DLG1: variants seen among roughly 807,000 people sequenced by gnomAD.
The protein encoded by DLG1 is discs large MAGUK scaffold protein 1.
DLG1 carries 42 observed loss-of-function variants against 123.4 expected under a neutral mutation model. The ratio of observed to expected loss-of-function variants is 0.34; its 90% CI spans 0.27 to 0.44. The LOEUF (loss-of-function observed/expected upper bound fraction) is 0.44. Among genes scored for constraint, DLG1 ranks in the 20% least tolerant of loss-of-function variants. The pLI is 1.00. For missense variants in DLG1, 942 were observed against 1,082.6 expected (o/e 0.87, Z 1.82); for synonymous variants, 317 against 356.2 (o/e 0.89, Z 1.24).
At chr3:197,244,982 T>C (rs569477615) in intron 4 of DLG1, among the ~76,000 whole-genome samples, 53 of 152,316 alleles carry the variant, frequency 3.5e-4, no homozygotes, top group African/African-American at 1.3e-3. Context: ...AGGCAGCCTA[T>C]ACAGCATTTC....
In DLG1 at chr3:197,248,331, C is replaced by T. The variant is rs563205513; in HGVS notation, c.318+34348G>A. 1.5e-4 allele frequency among the ~76,000 whole-genome samples: 23 copies of T among 152,198 alleles called. No individual in the cohort carries two copies. The East Asian group carries it at 1.7e-3, about 11-fold the overall frequency. Reference sequence around the variant, plus strand: ...TATCTACTTGTAGGACTTTTCTTCCCGGGTTTATTCGTCATGCCAGGTGGG... The same window carrying T: ...TATCTACTTGTAGGACTTTTCTTCCTGGGTTTATTCGTCATGCCAGGTGGG... On this transcript the variant is annotated intron_variant, in intron 4 of 24. Coordinates refer to ENST00000667157, the MANE Select transcript of DLG1 (RefSeq NM_001366207.1).
chr3:197,289,289 T>C (rs1009450275), intron 3 of DLG1, among the ~76,000 whole-genome samples: 3 of 152,134 alleles, frequency 2.0e-5, no homozygotes, highest in African/African-American at 4.8e-5. Context: ...CTGTTTTACT[T>C]AGAAGTTTGT....
intron 13 of DLG1, among the ~76,000 whole-genome samples, chr3:197,108,022 A>G (rs1767587484): frequency 6.6e-6 from 1 of 152,128 alleles, no homozygotes; most frequent in African/African-American, 2.4e-5. Flanking sequence ...CTTATCATGA[A>G]AAGCTGTTGG....
Position 197,079,372 on chromosome 3 carries a change from G to A in DLG1, c.1905+1679C>T, listed in dbSNP as rs973843611. On this transcript the variant is annotated intron_variant, in intron 17 of 24. Coordinates refer to ENST00000667157, the MANE Select transcript of DLG1 (RefSeq NM_001366207.1). ...AGTCCATAATCACTATGTAAGGAAA[G>A]GAGGAGAAGTAGGAAATGGTACTAT... 5.3e-5 allele frequency among the ~76,000 whole-genome samples: 8 copies of A among 152,096 alleles called. No individual in the cohort carries two copies. In the South Asian group the frequency reaches 6.2e-4, roughly 12 times the overall value.
At chr3:197,082,849 T>C (rs554432348) in intron 16 of DLG1, among the ~76,000 whole-genome samples, 2 of 152,282 alleles carry the variant, frequency 1.3e-5, no homozygotes, top group Non-Finnish European at 1.5e-5. Context: ...AACACAATCT[T>C]ATAGAATTTT....
At chr3:197,112,759 T>TA (rs201154916) in intron 13 of DLG1, among the ~76,000 whole-genome samples, 12 of 151,938 alleles carry the variant, frequency 7.9e-5, no homozygotes, top group African/African-American at 1.9e-4. Context: ...TCTGGCTAAT[T>TA]AAAAAAAAAT....
chr3:197,080,054 T>C (rs1288804706), intron 17 of DLG1, among the ~76,000 whole-genome samples: 2 of 151,596 alleles, frequency 1.3e-5, no homozygotes, highest in South Asian at 2.1e-4. Context: ...TAACATAACA[T>C]GTATTCAGTT....
rs913671166 is a variant in DLG1, at chr3:197,211,393, C to T, written c.319-16804G>A. Among the ~76,000 whole-genome samples the T allele has an allele frequency of 7.5e-5, 11 of 146,226 alleles. 1 individual carries two copies. In the Admixed American group the frequency reaches 7.6e-4, roughly 10 times the overall value. ...TGAACATTGATGCAAAAATCCTCAA[C>T]AAAATACTTAAAAACTGAATCCTGT... On this transcript the variant is annotated intron_variant, in intron 4 of 24. Coordinates refer to ENST00000667157, the MANE Select transcript of DLG1 (RefSeq NM_001366207.1).
intron 5 of DLG1, among the ~76,000 whole-genome samples, chr3:197,187,820 C>T (rs961483388): frequency 1.3e-5 from 2 of 152,160 alleles, no homozygotes. Flanking sequence ...AAAATTTACC[C>T]ACTGTGTCCT....
chr3:197,053,636 G>T lies in DLG1; in HGVS notation c.2484-1968C>A, dbSNP rs114147255. 1.7e-3 allele frequency among the ~76,000 whole-genome samples: 263 copies of T among 152,166 alleles called. 2 individuals are homozygous for T. The highest frequency in any genetic ancestry group is 4.9e-3 in the African/African-American group (204 of 41,488). On this transcript the variant is annotated intron_variant, in intron 23 of 24. Transcript: ENST00000667157. ...AGAATACAAAAATTAGCAGGGCACA[G>T]TGGTGAGTCCCTGTAATCCCAGCTA...
At chr3:197,268,193 C>G (rs1272843137) in intron 4 of DLG1, among the ~76,000 whole-genome samples, 1 of 152,110 alleles carries the variant, frequency 6.6e-6, no homozygotes, top group Non-Finnish European at 1.5e-5. Context: ...ATAGAGCAAT[C>G]AAGATTATTT....
chr3:197,243,613 T>C (rs1750095774), intron 4 of DLG1, among the ~76,000 whole-genome samples: 1 of 152,202 alleles, frequency 6.6e-6, no homozygotes, highest in Non-Finnish European at 1.5e-5. Context: ...CTCTTTTTTT[T>C]TTGCTAATAT....
chr3:197,117,396 T>G (rs571416778), intron 12 of DLG1, among the ~76,000 whole-genome samples: 1 of 152,210 alleles, frequency 6.6e-6, no homozygotes, highest in Non-Finnish European at 1.5e-5. Context: ...GTGTTTATTA[T>G]AGAATTACTC....
intron 4 of DLG1, among the ~76,000 whole-genome samples, chr3:197,195,429 C>T (rs1052118493): frequency 1.3e-5 from 2 of 152,112 alleles, no homozygotes; most frequent in African/African-American, 4.8e-5. Context: ...AAGACACATG[C>T]ATGTTCACTG....
At chr3:197,118,911 G>A (rs1482532417) in intron 12 of DLG1, among the ~76,000 whole-genome samples, 1 of 152,070 alleles carries the variant, frequency 6.6e-6, no homozygotes, top group East Asian at 1.9e-4. Context: ...GGCAGATACG[G>A]GAGGATAGCT....
intron 18 of DLG1, among the ~76,000 whole-genome samples, chr3:197,073,424 A>G (rs1745299474): frequency 6.6e-6 from 1 of 152,146 alleles, no homozygotes; most frequent in African/African-American, 2.4e-5. Context: ...GTTTCCTTTC[A>G]GTCTCTGTTA....
intron 4 of DLG1, among the ~76,000 whole-genome samples, chr3:197,278,422 G>C (rs1002249979): frequency 1.3e-5 from 2 of 150,408 alleles, no homozygotes; most frequent in Admixed American, 1.3e-4. Flanking sequence ...AGTGAGCTAT[G>C]ATCGCACCAC....
intron 6 of DLG1, among the ~76,000 whole-genome samples, chr3:197,149,005 ATGT>A (rs1792551196): frequency 6.6e-6 from 1 of 152,052 alleles, no homozygotes. Context: ...ATTTGCATTT[ATGT>A]TATTAACTCA....
Position 197,044,666 on chromosome 3 carries a change from T to A in DLG1, c.2639A>T (p.Gln880Leu). 6.2e-7 allele frequency: 1 copy of A among 1,610,934 alleles called. No homozygotes were observed. The highest frequency in any genetic ancestry group is 1.3e-5 in the African/African-American group (1 of 74,906). The change falls in exon 25 of 25, where the codon CAA becomes CTA. Residue 880 changes from glutamine to leucine, a missense_variant. By Grantham distance (113) the Gln-to-Leu change is moderately radical (BLOSUM62 -2). Transcript: ENST00000667157. Reference sequence around the variant, plus strand: ...CGGAACCCAGATGTAAGAACCAGATTGTTCTTCTATGATCTGTTTCACTTG... The same window carrying A: ...CGGAACCCAGATGTAAGAACCAGATAGTTCTTCTATGATCTGTTTCACTTG... ...YNQVKQIIEE[Q>L]SGSYIWVPAK...
Sources: allele counts gnomAD v4.1 joint callset (sites outside exome capture counted in the v4.1 genomes callset), GRCh38; gene constraint gnomAD v4.1.1; transcripts MANE v1.5; gene names NCBI Gene and HGNC (gene_info 2026-07-23, HGNC 2026-07-21).